Variants in CDKL1 observed in about 807,000 individuals in gnomAD.
CDKL1 encodes cyclin-dependent kinase-like 1.
CDKL1 carries 41 observed loss-of-function variants against 42.0 expected under a neutral mutation model. The ratio of observed to expected loss-of-function variants is 0.98; its 90% CI spans 0.76 to 1.27. The LOEUF is 1.27. Among genes scored for constraint, CDKL1 ranks in the 50% most tolerant of loss-of-function variants. The probability of loss-of-function intolerance (pLI) is 0.00; values close to 1 mark genes in which losing one functional copy is unlikely to be tolerated. For missense variants in CDKL1, 394 were observed against 428.4 expected (o/e 0.92, Z 0.71); for synonymous variants, 153 against 158.6 (o/e 0.96, Z 0.26).
rs2032845142 is a variant in CDKL1 at position 50,329,950 on chromosome 14, TTC to T, written c.*122_*123del. Reference sequence around the variant, plus strand: ...ATATCTTGCCAGTTGGCCTCCCAGTTTCTTGCTTATGTTTTCTCCTGGTGTGT... The same window carrying T: ...ATATCTTGCCAGTTGGCCTCCCAGTTTTGCTTATGTTTTCTCCTGGTGTGT... On this transcript the variant is annotated 3_prime_UTR_variant, in exon 10 of 10. Coordinates refer to ENST00000395834, the MANE Select transcript of CDKL1 (RefSeq NM_004196.7). 8 of 1,205,940 alleles carry T rather than the reference TTC, an allele frequency of 6.6e-6. No individual in the cohort carries two copies. Among genetic ancestry groups the T allele is most frequent in the Non-Finnish European group, 8.9e-6 (8 of 900,238 alleles). The allele number at this position is 1,205,940 out of a possible 1,614,324, so 74.7% of individuals were successfully genotyped here.
chr14:50,396,946 G>T (rs911856513), upstream of CDKL1: 7 of 465,976 alleles, frequency 1.5e-5, no homozygotes, highest in Admixed American at 5.2e-5. Context: ...CTGCCTGGGC[G>T]GGGCCGCCGC....
At chr14:50,360,786 TTGTGTGTGTG>T (rs58307197) in intron 2 of CDKL1, among the ~76,000 whole-genome samples, 1,828 of 144,690 alleles carry the variant, frequency 0.013, 28 homozygotes, top group African/African-American at 0.015. Flanking sequence ...GTGTGTGTGT[TTGTGTGTGTG>T]TGTGTGTGTG....
At chr14:50,372,169 A>G (rs1451944726) in intron 2 of CDKL1, among the ~76,000 whole-genome samples, 4 of 152,242 alleles carry the variant, frequency 2.6e-5, no homozygotes, top group Non-Finnish European at 5.9e-5. Context: ...GCTGGAGTGC[A>G]GTGGAGAGAT....
At position 50,335,418 on chromosome 14, in the gene CDKL1, T is replaced by G. The variant is rs1178094384; in HGVS notation, c.739-797A>C. ...CTTCTTGATTTTCTGGAATAAACACTGTTGTCTCCTCCCACTAGGGCCTGC... is the reference window on the plus strand; with the variant it reads ...CTTCTTGATTTTCTGGAATAAACACGGTTGTCTCCTCCCACTAGGGCCTGC... On this transcript the variant is annotated intron_variant, in intron 7 of 9. Transcript: ENST00000395834. 3 of 1,432,858 alleles carry G rather than the reference T, an allele frequency of 2.1e-6. No individual in the cohort carries two copies. In the African/African-American group the frequency reaches 4.2e-5, roughly 20 times the overall value. 88.8% of individuals were successfully genotyped at this position (1,432,858 alleles called of 1,614,324 possible). A position where few individuals can be genotyped will look rare whatever the true frequency, so the allele number is the denominator to read the frequency against.
chr14:50,374,643 C>T (rs879920797), intron 2 of CDKL1, among the ~76,000 whole-genome samples: 1 of 152,178 alleles, frequency 6.6e-6, no homozygotes, highest in Non-Finnish European at 1.5e-5. Flanking sequence ...TTGAAGACAT[C>T]AGTATGAACT....
At chr14:50,395,170 G>C (rs566909736) in intron 2 of CDKL1, among the ~76,000 whole-genome samples, 1 of 152,162 alleles carries the variant, frequency 6.6e-6, no homozygotes, top group Non-Finnish European at 1.5e-5. Context: ...AAATACCTTA[G>C]AAGTTTAAAA....
intron 3 of CDKL1, among the ~76,000 whole-genome samples, chr14:50,350,494 C>G (rs1227696014): frequency 6.6e-6 from 1 of 152,190 alleles, no homozygotes; most frequent in Non-Finnish European, 1.5e-5. Flanking sequence ...GAGCTTTTCT[C>G]CTGGGCCTGG....
Position 50,326,314 on chromosome 14 carries a change from G to C in CDKL1, c.*3760C>G, listed in dbSNP as rs575960805. On this transcript the variant is annotated 3_prime_UTR_variant, in exon 10 of 10. Coordinates refer to ENST00000395834, the MANE Select transcript of CDKL1 (RefSeq NM_004196.7). ...ATATGTAAATCTATAGATATCTCTT[G>C]ATGTAGATATTTAGAATCCTTTAAA... The C allele has an allele frequency of 1.9e-6, 1 of 538,864 alleles. No individual in the cohort carries two copies. The highest frequency in any genetic ancestry group is 1.5e-4 in the East Asian group (1 of 6,718). 33.4% of individuals were successfully genotyped at this position (538,864 alleles called of 1,614,324 possible).
At chr14:50,331,966 A>T in intron 9 of CDKL1, 1 of 1,412,702 alleles carries the variant, frequency 7.1e-7, no homozygotes, top group South Asian at 1.4e-5. Context: ...AAGCCCAAAA[A>T]GTCTCCTTAG....
At chr14:50,369,032 A>G (rs1309243001) in intron 2 of CDKL1, among the ~76,000 whole-genome samples, 1 of 151,616 alleles carries the variant, frequency 6.6e-6, no homozygotes, top group Non-Finnish European at 1.5e-5. Context: ...ATGCCTGGCT[A>G]ATTTTTGTAT....
intron 2 of CDKL1, among the ~76,000 whole-genome samples, chr14:50,374,350 T>C (rs113521056): frequency 2.5e-4 from 38 of 152,328 alleles, no homozygotes; most frequent in African/African-American, 8.2e-4. Flanking sequence ...ATAGTGAATA[T>C]GTGATATTAT....
chr14:50,332,127 G>C, intron 9 of CDKL1, 135 bp downstream of exon 9: 1 of 1,609,196 alleles, frequency 6.2e-7, no homozygotes, highest in Non-Finnish European at 8.5e-7. Context: ...TGGGGCCCTG[G>C]TTGATAGATC....
At position 50,341,141 on chromosome 14, in the gene CDKL1, C is replaced by G. The variant is rs376762956; in HGVS notation, c.546G>C (p.Pro182=). Residue 182 remains proline, a synonymous_variant, in exon 6 of 10, where the codon CCG becomes CCC. Transcript: ENST00000395834. ...CACAGCCAATTGCCCAAACATCCAC[C>G]GGGGGGCCGTACTGCGTGTCCCCCA... ...LLVGDTQYGP[P]VDVWAIGCVF... The G allele has an allele frequency of 6.2e-7, 1 of 1,614,178 alleles. No individual in the cohort carries two copies. The highest frequency in any genetic ancestry group is 8.5e-7 in the Non-Finnish European group (1 of 1,180,038).
intron 2 of CDKL1, among the ~76,000 whole-genome samples, chr14:50,369,637 T>A (rs201685637): frequency 1.5e-5 from 2 of 131,608 alleles, no homozygotes; most frequent in South Asian, 5.7e-4. Context: ...CACACACACA[T>A]ATATATATAG....
chr14:50,342,764 A>G, intron 4 of CDKL1: 1 of 688,128 alleles, frequency 1.5e-6, no homozygotes, highest in South Asian at 2.2e-5. Context: ...GAACACAGTC[A>G]GCCTCGTAAA....
intron 3 of CDKL1, among the ~76,000 whole-genome samples, chr14:50,358,434 C>T (rs2034125885): frequency 6.6e-6 from 1 of 151,224 alleles, no homozygotes; most frequent in Admixed American, 6.6e-5. Flanking sequence ...TAACTAATAT[C>T]CTTCCTTTTC....
At chr14:50,340,626 T>A (rs534509970) in intron 6 of CDKL1, among the ~76,000 whole-genome samples, 37 of 152,322 alleles carry the variant, frequency 2.4e-4, no homozygotes, top group African/African-American at 8.7e-4. Flanking sequence ...AGAGTCTGAA[T>A]AATCCAAACT....
rs375954757 is a variant in CDKL1, at chr14:50,346,651, G to GTTTTTTTTT, written c.291-1594_291-1593insAAAAAAAAA. ...TGATTATTCAATAAATTAAATTTTTGGTTTTTTTTTTTTTTTTGAGATGGA... is the reference window on the plus strand; with the variant it reads ...TGATTATTCAATAAATTAAATTTTTGTTTTTTTTTGTTTTTTTTTTTTTTTTGAGATGGA... On this transcript the variant is annotated intron_variant, in intron 3 of 9. Transcript: ENST00000395834. Among the ~76,000 whole-genome samples the GTTTTTTTTT allele has an allele frequency of 4.9e-5, 6 of 123,636 alleles. 2 individuals carry two copies. Among genetic ancestry groups the GTTTTTTTTT allele is most frequent in the Non-Finnish European group, 3.3e-5 (2 of 59,976 alleles). The allele number at this position is 123,636 out of a possible 152,430, so 81.1% of individuals were successfully genotyped here. A position where few individuals can be genotyped will look rare whatever the true frequency, so the allele number is the denominator to read the frequency against.
chr14:50,332,214 C>T (rs752519233), intron 9 of CDKL1, 48 bp downstream of exon 9: 3 of 1,614,048 alleles, frequency 1.9e-6, no homozygotes, highest in African/African-American at 1.3e-5. Flanking sequence ...GTCTAGATTC[C>T]AACTCTCTGT....
Sources: allele counts gnomAD v4.1 joint callset (sites outside exome capture counted in the v4.1 genomes callset), GRCh38; gene constraint gnomAD v4.1.1; transcripts MANE v1.5; gene names NCBI Gene and HGNC (gene_info 2026-07-23, HGNC 2026-07-21).